XPR1: variants seen among roughly 807,000 people sequenced by gnomAD.
XPR1 encodes solute carrier family 53 member 1.
Under a neutral mutation model 87.5 loss-of-function variants are expected in XPR1, and 28 were observed. The observed-to-expected ratio is 0.32, with a 90% CI of 0.24 to 0.44. The LOEUF is 0.44. XPR1 is among the 20% of genes least tolerant of loss of function. The probability of loss-of-function intolerance (pLI) is 1.00; values close to 1 mark genes in which losing one functional copy is unlikely to be tolerated. For synonymous variants in XPR1, 300 were observed against 306.1 expected (o/e 0.98, Z 0.21); for missense variants, 559 against 862.3 (o/e 0.65, Z 4.41).
At chr1:180,754,957 A>G (rs1040038045) in intron 2 of XPR1, among the ~76,000 whole-genome samples, 2 of 152,132 alleles carry the variant, frequency 1.3e-5, no homozygotes, top group South Asian at 2.1e-4. Context: ...GGTCACTGCA[A>G]CCATGGGATA....
chr1:180,838,235 A>G (rs913166554), intron 11 of XPR1, among the ~76,000 whole-genome samples: 22 of 152,190 alleles, frequency 1.4e-4, no homozygotes, highest in African/African-American at 5.1e-4. Context: ...AAGAGAAAAT[A>G]TCTTTCCTGT....
rs1413050897 is a variant in XPR1 at position 180,659,428 on chromosome 1, CTTCCTTCCTTCT to C, written c.70-22930_70-22919del. ...CCTTCCTTCCTTCCTTCCTTCCTTC[CTTCCTTCCTTCT>C]TCCCTCCTTCTTCCCTCCCTTCCTC... On this transcript the variant is annotated intron_variant, in intron 1 of 14. Transcript: ENST00000367590. 3.0e-5 allele frequency among the ~76,000 whole-genome samples: 3 copies of C among 101,432 alleles called. No homozygotes were observed. The East Asian group carries it at 9.5e-4, about 32-fold the overall frequency. The allele number at this position is 101,432 out of a possible 152,430, so 66.5% of individuals were successfully genotyped here.
At chr1:180,799,914 A>G (rs926414015) in intron 3 of XPR1, among the ~76,000 whole-genome samples, 4 of 152,228 alleles carry the variant, frequency 2.6e-5, no homozygotes, top group African/African-American at 7.2e-5. Flanking sequence ...ACCAAGATTC[A>G]TCCAACTTGC....
At chr1:180,712,675 G>A (rs1039588715) in intron 2 of XPR1, among the ~76,000 whole-genome samples, 2 of 152,032 alleles carry the variant, frequency 1.3e-5, no homozygotes, top group East Asian at 1.9e-4. Flanking sequence ...GTGTGGTGGC[G>A]TGCACCTGTA....
rs778759014 is a variant in XPR1, at chr1:180,806,539, C to T, written c.663C>T (p.Pro221=). 1.9e-6 allele frequency: 3 copies of T among 1,612,456 alleles called. No individual in the cohort carries two copies. The South Asian group carries it at 3.3e-5, about 18-fold the overall frequency. ...AGGCTATGAAGCGTTTACGTGTCCC[C>T]CCTTTGGGAGCTGCTCAGGTTAGTA... ...RQKAMKRLRV[P]PLGAAQPAPA... Residue 221 remains proline (P), a synonymous_variant, in exon 6 of 15, where the codon CCC becomes CCT. Coordinates refer to ENST00000367590, the MANE Select transcript of XPR1 (RefSeq NM_004736.4).
chr1:180,863,741 A>C lies in XPR1; in HGVS notation c.1535A>C (p.Tyr512Ser). ...CACTCGGACACTATGGTGTTCTTTT[A>C]CCTGTGGATTGTCTTTTATATCATC... Reference protein sequence around the residue: ...RGHSDTMVFFYLWIVFYIISS... With the variant: ...RGHSDTMVFFSLWIVFYIISS... Residue 512 changes from tyrosine (Y) to serine (S), a missense_variant, in exon 12 of 15, where the codon TAC becomes TCC. Physicochemically the swap from Tyr to Ser is moderately radical, Grantham distance 144. Around this residue, in one of 7 missense-constraint regions of XPR1, gnomAD observed 264 missense variants for 377.2 expected, o/e 0.70. Transcript: ENST00000367590. 6.2e-7 allele frequency: 1 copy of C among 1,603,736 alleles called. No individual in the cohort carries two copies. The highest frequency in any genetic ancestry group is 8.5e-7 in the Non-Finnish European group (1 of 1,175,918).
intron 1 of XPR1, among the ~76,000 whole-genome samples, chr1:180,643,630 A>G (rs536936799): frequency 3.9e-5 from 6 of 152,200 alleles, no homozygotes; most frequent in Non-Finnish European, 8.8e-5. Flanking sequence ...ATAAGAAAAT[A>G]GAGTCTCATA....
At chr1:180,751,914 G>T (rs1035630192) in intron 2 of XPR1, among the ~76,000 whole-genome samples, 1 of 152,080 alleles carries the variant, frequency 6.6e-6, no homozygotes, top group East Asian at 1.9e-4. Context: ...TTTCCATCAA[G>T]GAGGAAGGAG....
At chr1:180,860,592 A>G (rs1652186151) in intron 11 of XPR1, among the ~76,000 whole-genome samples, 1 of 152,180 alleles carries the variant, frequency 6.6e-6, no homozygotes. Flanking sequence ...AGTGAAAACA[A>G]CCAAACTCAA....
chr1:180,641,197 A>G (rs960423146), intron 1 of XPR1, among the ~76,000 whole-genome samples: 1 of 152,182 alleles, frequency 6.6e-6, no homozygotes, highest in Admixed American at 6.5e-5. Flanking sequence ...TAATAATAGT[A>G]CTTACAGGAT....
intron 11 of XPR1, among the ~76,000 whole-genome samples, chr1:180,863,016 A>T (rs1426365179): frequency 6.6e-6 from 1 of 152,098 alleles, no homozygotes; most frequent in Non-Finnish European, 1.5e-5. Flanking sequence ...TGTGCCTTAT[A>T]ATAAGTATTT....
At chr1:180,773,097 A>G (rs1443887823) in intron 2 of XPR1, among the ~76,000 whole-genome samples, 3 of 152,166 alleles carry the variant, frequency 2.0e-5, no homozygotes, top group Non-Finnish European at 4.4e-5. Context: ...TAAATAGTCA[A>G]TCATTTAATG....
At chr1:180,661,400 G>C (rs1365595863) in intron 1 of XPR1, among the ~76,000 whole-genome samples, 1 of 151,438 alleles carries the variant, frequency 6.6e-6, no homozygotes, top group Non-Finnish European at 1.5e-5. Context: ...TTTTCTGGTA[G>C]TCTCTTCCTT....
chr1:180,844,887 C>T (rs1174339447), intron 11 of XPR1, among the ~76,000 whole-genome samples: 2 of 152,164 alleles, frequency 1.3e-5, no homozygotes, highest in Non-Finnish European at 1.5e-5. Flanking sequence ...CCTCCAAAGG[C>T]CATTGCAACT....
chr1:180,799,430 A>G (rs1649703117), intron 3 of XPR1, among the ~76,000 whole-genome samples: 1 of 152,082 alleles, frequency 6.6e-6, no homozygotes, highest in African/African-American at 2.4e-5. Context: ...CAGCTTTTCT[A>G]TTAGGCCATC....
At chr1:180,842,112 G>A (rs756658504) in intron 11 of XPR1, among the ~76,000 whole-genome samples, 11 of 152,200 alleles carry the variant, frequency 7.2e-5, no homozygotes, top group Admixed American at 1.3e-4. Context: ...TAATTGGGTA[G>A]ATACTTTTCT....
chr1:180,835,236 G>A (rs1203689636), intron 10 of XPR1, among the ~76,000 whole-genome samples, 191 bp downstream of exon 10: 3 of 152,124 alleles, frequency 2.0e-5, no homozygotes, highest in Non-Finnish European at 4.4e-5. Flanking sequence ...TTATGCATTA[G>A]GATTTCGTCT....
intron 2 of XPR1, among the ~76,000 whole-genome samples, chr1:180,736,177 C>T (rs1292243037): frequency 6.6e-6 from 1 of 152,108 alleles, no homozygotes; most frequent in Non-Finnish European, 1.5e-5. Flanking sequence ...TTAGCTGATA[C>T]TTGAAGGTTG....
intron 11 of XPR1, among the ~76,000 whole-genome samples, chr1:180,844,886 G>A (rs192960359): frequency 6.6e-6 from 1 of 152,220 alleles, no homozygotes; most frequent in African/African-American, 2.4e-5. Context: ...TCCTCCAAAG[G>A]CCATTGCAAC....
Sources: allele counts gnomAD v4.1 joint callset (sites outside exome capture counted in the v4.1 genomes callset), GRCh38; gene constraint gnomAD v4.1.1; regional missense constraint gnomAD v4.1.1; transcripts MANE v1.5; gene names NCBI Gene and HGNC (gene_info 2026-07-23, HGNC 2026-07-21).